LHFPL3: variants seen among roughly 807,000 people sequenced by gnomAD.
The protein encoded by LHFPL3 is LHFPL tetraspan subfamily member 3.
Under a neutral mutation model 19.3 loss-of-function variants are expected in LHFPL3, and 5 were observed. That is an observed-to-expected ratio of 0.26 (90% CI 0.14 to 0.54). The LOEUF (loss-of-function observed/expected upper bound fraction) is 0.54, where lower values mean the gene tolerates loss of function less well. LHFPL3 is among the 20% of genes least tolerant of loss of function. The probability of loss-of-function intolerance (pLI) is 0.94; values close to 1 mark genes in which losing one functional copy is unlikely to be tolerated. For synonymous variants in LHFPL3, 133 were observed against 126.2 expected, an observed-to-expected ratio of 1.05 and a Z score of -0.36; for missense variants, 249 against 307.4, an observed-to-expected ratio of 0.81 and a Z score of 1.42.
chr7:104,902,312 T>G (rs1472868816), intron 2 of LHFPL3, among the ~76,000 whole-genome samples: 1 of 150,420 alleles, frequency 6.6e-6, no homozygotes, highest in Non-Finnish European at 1.5e-5. Flanking sequence ...AGCCTGGAGG[T>G]GGTAGAGGCC....
At chr7:104,343,788 G>A (rs1262047547) in intron 1 of LHFPL3, among the ~76,000 whole-genome samples, 1 of 151,750 alleles carries the variant, frequency 6.6e-6, no homozygotes, top group Non-Finnish European at 1.5e-5. Flanking sequence ...TTGTGTACCT[G>A]CTACCCACTC....
chr7:104,341,561 T>G (rs944760236), intron 1 of LHFPL3, among the ~76,000 whole-genome samples: 1 of 152,170 alleles, frequency 6.6e-6, no homozygotes, highest in African/African-American at 2.4e-5. Context: ...ACCACACTGT[T>G]TTTGGAGATG....
At chr7:104,683,034 G>T (rs1021094679) in intron 1 of LHFPL3, among the ~76,000 whole-genome samples, 1 of 152,124 alleles carries the variant, frequency 6.6e-6, no homozygotes, top group African/African-American at 2.4e-5. Context: ...CTGTTGCCCA[G>T]GCTGGAGTTC....
intron 1 of LHFPL3, among the ~76,000 whole-genome samples, chr7:104,659,396 C>A (rs537761460): frequency 6.6e-6 from 1 of 152,322 alleles, no homozygotes; most frequent in Admixed American, 6.5e-5. Context: ...AAGATGGGAT[C>A]CAGACTTCCA....
intron 2 of LHFPL3, among the ~76,000 whole-genome samples, chr7:104,740,736 C>T (rs1793918760): frequency 6.6e-6 from 1 of 152,106 alleles, no homozygotes; most frequent in African/African-American, 2.4e-5. Flanking sequence ...GAAACCGCCC[C>T]CATGATTCAA....
intron 1 of LHFPL3, among the ~76,000 whole-genome samples, chr7:104,365,806 G>GAAAAAAAAA (rs1790483619): frequency 1.0e-5 from 1 of 95,872 alleles, no homozygotes; most frequent in East Asian, 4.0e-4. Flanking sequence ...AAAAAAAAAA[G>GAAAAAAAAA]AAAAGCCTCT....
intron 1 of LHFPL3, among the ~76,000 whole-genome samples, chr7:104,723,265 C>G (rs10240869): frequency 6.6e-6 from 1 of 152,142 alleles, no homozygotes; most frequent in African/African-American, 2.4e-5. Context: ...GTAAATGTTT[C>G]TTAAACATTT....
intron 1 of LHFPL3, among the ~76,000 whole-genome samples, chr7:104,575,034 A>G (rs973907286): frequency 6.6e-6 from 1 of 152,248 alleles, no homozygotes; most frequent in South Asian, 2.1e-4. Flanking sequence ...ATTAATCATT[A>G]TAAATGTCTA....
intron 2 of LHFPL3, among the ~76,000 whole-genome samples, chr7:104,824,319 ATTAT>A (rs1790758831): frequency 3.7e-5 from 1 of 27,064 alleles, no homozygotes; most frequent in Non-Finnish European, 6.2e-5. Context: ...AATTATATAT[ATTAT>A]TTTATATATA....
At chr7:104,500,781 T>A (rs1793585194) in intron 1 of LHFPL3, among the ~76,000 whole-genome samples, 1 of 152,142 alleles carries the variant, frequency 6.6e-6, no homozygotes, top group South Asian at 2.1e-4. Context: ...CAGTAAACCC[T>A]CCTTTGTGTT....
At chr7:104,903,875 T>C (rs540082394) in intron 2 of LHFPL3, among the ~76,000 whole-genome samples, 17 of 152,328 alleles carry the variant, frequency 1.1e-4, no homozygotes, top group African/African-American at 3.8e-4. Context: ...CTATTGTTAA[T>C]AGTGCTGCAA....
intron 1 of LHFPL3, among the ~76,000 whole-genome samples, chr7:104,514,594 G>A (rs117193590): frequency 1.1e-4 from 16 of 152,318 alleles, no homozygotes; most frequent in Non-Finnish European, 2.1e-4. Flanking sequence ...GCTGGGAATG[G>A]TTCAGCTGAA....
At chr7:104,520,973 T>C (rs958954658) in intron 1 of LHFPL3, among the ~76,000 whole-genome samples, 1 of 151,178 alleles carries the variant, frequency 6.6e-6, no homozygotes, top group African/African-American at 2.4e-5. Flanking sequence ...TTTTAGTTAT[T>C]TCTTGCCTTC....
intron 1 of LHFPL3, among the ~76,000 whole-genome samples, chr7:104,465,099 T>G (rs1172893937): frequency 1.3e-5 from 2 of 152,020 alleles, no homozygotes; most frequent in East Asian, 3.9e-4. Flanking sequence ...CCACCAGTCT[T>G]TTTGCATAGC....
chr7:104,575,881 CACCAGA>C (rs928685048), intron 1 of LHFPL3, among the ~76,000 whole-genome samples: 1 of 152,118 alleles, frequency 6.6e-6, no homozygotes, highest in African/African-American at 2.4e-5. Flanking sequence ...AAAGCAGTGT[CACCAGA>C]ACTTCCATCT....
chr7:104,743,683 C>A (rs182891060), intron 2 of LHFPL3, among the ~76,000 whole-genome samples: 5 of 152,054 alleles, frequency 3.3e-5, no homozygotes, highest in Admixed American at 3.3e-4. Flanking sequence ...TATCATTATC[C>A]CCATTTTACA....
intron 1 of LHFPL3, among the ~76,000 whole-genome samples, chr7:104,348,616 T>C (rs190658839): frequency 6.6e-6 from 1 of 152,346 alleles, no homozygotes; most frequent in Admixed American, 6.5e-5. Flanking sequence ...AAAAACATTA[T>C]AGAGCCAAGT....
intron 1 of LHFPL3, among the ~76,000 whole-genome samples, chr7:104,457,537 C>T (rs1792571786): frequency 1.3e-5 from 2 of 151,154 alleles, no homozygotes; most frequent in South Asian, 4.2e-4. Flanking sequence ...GGGTTGGTTC[C>T]AAGTCTTTGC....
intron 1 of LHFPL3, among the ~76,000 whole-genome samples, chr7:104,687,344 GA>G (rs1792825846): frequency 6.6e-6 from 1 of 152,210 alleles, no homozygotes. Flanking sequence ...CAGCTATCTG[GA>G]AGCTTTCAGA....
Sources: gnomAD v4.1 joint callset for allele counts (sites outside exome capture counted in the v4.1 genomes callset) on GRCh38, gnomAD v4.1.1 for gene constraint, MANE v1.5 for transcripts, NCBI Gene and HGNC (gene_info 2026-07-23, HGNC 2026-07-21) for gene names.